The following ZNF44 variants were observed in gnomAD, a reference collection of about 807,000 sequenced individuals.
ZNF44 encodes zinc finger protein 44, also known as gonadotropin inducible transcription repressor-2.
ZNF44 carries 9 observed loss-of-function variants against 11.7 expected under a neutral mutation model. The ratio of observed to expected loss-of-function variants is 0.77; its 90% CI spans 0.46 to 1.35. The LOEUF (loss-of-function observed/expected upper bound fraction) is 1.35. Among genes scored for constraint, ZNF44 ranks in the 40% most tolerant of loss-of-function variants. The probability of loss-of-function intolerance (pLI) is 0.00; values close to 1 mark genes in which losing one functional copy is unlikely to be tolerated. For synonymous variants in ZNF44, 224 were observed against 242.7 expected (o/e 0.92, Z 0.72); for missense variants, 696 against 743.1 (o/e 0.94, Z 0.74).
At chr19:12,248,368 C>T in exon 8 of ZNF44, 2 of 1,291,788 alleles carry the variant, frequency 1.5e-6, no homozygotes, top group Non-Finnish European at 2.0e-6. Context: ...CATTTGTAGA[C>T]TATCCCTGCA....
At chr19:12,264,425 C>T (rs897138768) in intron 5 of ZNF44, among the ~76,000 whole-genome samples, 3 of 152,126 alleles carry the variant, frequency 2.0e-5, no homozygotes, top group Non-Finnish European at 4.4e-5. Context: ...ACTAGTCATG[C>T]GGCTTTAGAA....
chr19:12,253,042 C>T (rs969211213), intron 5 of ZNF44, among the ~76,000 whole-genome samples: 4 of 151,800 alleles, frequency 2.6e-5, no homozygotes, highest in Non-Finnish European at 4.4e-5. Flanking sequence ...CGTGTGCCAC[C>T]ACACCCAGCT....
At chr19:12,292,855 G>GTTTTTTTTTTTTTTTTTTTT (rs71166664) in intron 1 of ZNF44, among the ~76,000 whole-genome samples, 1 of 76,914 alleles carries the variant, frequency 1.3e-5, no homozygotes, top group African/African-American at 4.9e-5. Context: ...CAGAGGTTAG[G>GTTTTTTTTTTTTTTTTTTTT]TTTTTTTTTT....
rs2438591 is a variant in ZNF44, at chr19:12,285,045, T to C, written c.4-8963A>G. ...CACCTTTGATGTCATCTCTAAGACC[T>C]ACAGCTACCTAACCCCTGACCTCTG... On this transcript the variant is annotated intron_variant, in intron 1 of 3. Transcript: ENST00000355684. The C allele has an allele frequency of 1.0e-3, 702 of 691,922 alleles. 5 individuals carry two copies. The African/African-American group carries it at 0.011, about 11-fold the overall frequency. The allele number at this position is 691,922 out of a possible 1,614,324, so 42.9% of individuals were successfully genotyped here. A position where few individuals can be genotyped will look rare whatever the true frequency, so the allele number is the denominator to read the frequency against.
upstream of ZNF44, among the ~76,000 whole-genome samples, chr19:12,241,361 C>T (rs2145684062): frequency 6.6e-6 from 1 of 152,270 alleles, no homozygotes; most frequent in Non-Finnish European, 1.5e-5. Flanking sequence ...ATAGAAAACC[C>T]TGTGACCCAG....
At chr19:12,230,004 A>G (rs1403115461) in intron 3 of ZNF44, among the ~76,000 whole-genome samples, 1 of 152,192 alleles carries the variant, frequency 6.6e-6, no homozygotes, top group Non-Finnish European at 1.5e-5. Context: ...AAGCCTGAAT[A>G]TAGAGAACCT....
At chr19:12,240,462 A>C (rs1297774380), upstream of ZNF44, among the ~76,000 whole-genome samples, 3 of 151,534 alleles carry the variant, frequency 2.0e-5, no homozygotes, top group Admixed American at 6.6e-5. Context: ...AAAAAAAAAA[A>C]ACTAGAAAAA....
chr19:12,287,918 T>G (rs2048665146), intron 1 of ZNF44, among the ~76,000 whole-genome samples: 1 of 152,220 alleles, frequency 6.6e-6, no homozygotes, highest in South Asian at 2.1e-4. Flanking sequence ...TGCTTATGGG[T>G]GAATACATAC....
chr19:12,247,463 T>C, downstream of ZNF44: 1 of 1,335,766 alleles, frequency 7.5e-7, no homozygotes, highest in Non-Finnish European at 9.9e-7. Flanking sequence ...CAGTATGAAT[T>C]CGTTCATGTA....
At chr19:12,282,252 G>C (rs1179673647) in intron 1 of ZNF44, among the ~76,000 whole-genome samples, 2 of 151,994 alleles carry the variant, frequency 1.3e-5, no homozygotes, top group Non-Finnish European at 2.9e-5. Flanking sequence ...GCAGTCCTAA[G>C]TGACTAAGAG....
At chr19:12,254,114 A>G (rs752188894) in intron 5 of ZNF44, among the ~76,000 whole-genome samples, 2 of 152,194 alleles carry the variant, frequency 1.3e-5, no homozygotes, top group African/African-American at 4.8e-5. Context: ...ACAGTCACCA[A>G]GATAAGATAG....
intron 5 of ZNF44, among the ~76,000 whole-genome samples, chr19:12,263,179 T>C (rs775817441): frequency 6.6e-6 from 1 of 151,708 alleles, no homozygotes; most frequent in African/African-American, 2.4e-5. Context: ...CTCCATCTCA[T>C]GGGTTCAAGC....
intron 1 of ZNF44, among the ~76,000 whole-genome samples, chr19:12,283,797 T>C (rs552160411): frequency 7.2e-5 from 11 of 152,196 alleles, no homozygotes; most frequent in African/African-American, 2.7e-4. Flanking sequence ...AGAGGAACTC[T>C]TGAGGCCAGG....
chr19:12,267,014 TC>T (rs1377252534), downstream of ZNF44, among the ~76,000 whole-genome samples: 1 of 151,026 alleles, frequency 6.6e-6, no homozygotes, highest in Non-Finnish European at 1.5e-5. Context: ...TCACACCTTA[TC>T]CCTCAGTCTA....
chr19:12,282,687 T>C (rs1027214569), intron 1 of ZNF44, among the ~76,000 whole-genome samples: 1 of 152,128 alleles, frequency 6.6e-6, no homozygotes, highest in African/African-American at 2.4e-5. Context: ...CCTCCCAAAG[T>C]GCTGGGATTA....
downstream of ZNF44, among the ~76,000 whole-genome samples, chr19:12,225,695 C>T (rs2438559): frequency 3.9e-5 from 6 of 152,104 alleles, no homozygotes; most frequent in South Asian, 1.0e-3. Flanking sequence ...AATTCCCACA[C>T]GGGTGGCGTA....
intron 1 of ZNF44, 154 bp from the exon 2 acceptor site, chr19:12,276,236 T>C: frequency 8.3e-7 from 1 of 1,200,472 alleles, no homozygotes; most frequent in Non-Finnish European, 1.2e-6. Context: ...GCACTCACTG[T>C]CTGATGCTGG....
chr19:12,272,415 T>C lies in ZNF44; in HGVS notation c.1840A>G (p.Ile614Val). Residue 614 changes from isoleucine (I) to valine (V), a missense_variant, in exon 4 of 4, where the codon ATT becomes GTT. Ile to Val is a conservative substitution (Grantham distance 29, BLOSUM62 3). Coordinates refer to ENST00000355684, the MANE Select transcript of ZNF44 (RefSeq NM_016264.4). ...NRHKRTHWKD[I>V]L ...TCCCACATTCCATACACTTATAGAATATCCTTCCAGTGTGTCCTTTTATGT... is the reference window on the plus strand; with the variant it reads ...TCCCACATTCCATACACTTATAGAACATCCTTCCAGTGTGTCCTTTTATGT... The C allele has an allele frequency of 1.9e-6, 3 of 1,542,784 alleles. No homozygotes were observed. The highest frequency in any genetic ancestry group is 1.7e-6 in the Non-Finnish European group (2 of 1,150,108).
upstream of ZNF44, among the ~76,000 whole-genome samples, chr19:12,238,856 G>GA (rs983698807): frequency 4.6e-5 from 7 of 152,136 alleles, no homozygotes; most frequent in African/African-American, 1.7e-4. Flanking sequence ...CCTTCACAAG[G>GA]AAAAGCCGCA....
Sources: allele counts gnomAD v4.1 joint callset (sites outside exome capture counted in the v4.1 genomes callset), GRCh38; gene constraint gnomAD v4.1.1; transcripts MANE v1.5; gene names NCBI Gene and HGNC (gene_info 2026-07-23, HGNC 2026-07-21).